Variants in SLC24A2 observed in about 807,000 individuals in gnomAD.
SLC24A2 encodes the protein sodium/potassium/calcium exchanger 2.
Under a neutral mutation model 62.0 loss-of-function variants are expected in SLC24A2, and 36 were observed. That is an observed-to-expected ratio of 0.58 (90% confidence interval 0.44 to 0.77). The LOEUF is 0.77. Ranked by LOEUF, SLC24A2 falls within the 30% of genes least tolerant of loss-of-function variation. The pLI is 0.00. For missense variants in SLC24A2, 846 were observed against 817.9 expected (o/e 1.03, Z -0.42); for synonymous variants, 358 against 294.0 (o/e 1.22, Z -2.23).
intron 8 of SLC24A2, among the ~76,000 whole-genome samples, chr9:19,549,355 A>G (rs1003974060): frequency 6.6e-6 from 1 of 152,166 alleles, no homozygotes; most frequent in Non-Finnish European, 1.5e-5. Flanking sequence ...ACACTGACGT[A>G]TTCTAGGTAA....
At chr9:20,082,993 T>C in the SLC24A2 span, among the ~76,000 whole-genome samples, 27 of 152,228 alleles carry the variant, frequency 1.8e-4, no homozygotes, top group Non-Finnish European at 3.1e-4. Context: ...TTTCTTGGCA[T>C]GAATGCCCTG....
chr9:20,251,141 C>T, the SLC24A2 span, among the ~76,000 whole-genome samples: 1 of 152,154 alleles, frequency 6.6e-6, no homozygotes, highest in African/African-American at 2.4e-5. Flanking sequence ...CAGCAAAAGA[C>T]ACAACCAACC....
At chr9:19,697,906 C>G (rs1820239940) in intron 2 of SLC24A2, among the ~76,000 whole-genome samples, 1 of 152,008 alleles carries the variant, frequency 6.6e-6, no homozygotes, top group South Asian at 2.1e-4. Context: ...ATGGTATGTT[C>G]CCTCTAAAAG....
chr9:20,067,611 C>T, the SLC24A2 span, among the ~76,000 whole-genome samples: 1 of 151,990 alleles, frequency 6.6e-6, no homozygotes, highest in Non-Finnish European at 1.5e-5. Flanking sequence ...TGTTTAGCTC[C>T]CACTTGTAAG....
chr9:19,622,396 G>T, intron 2 of SLC24A2, 97 bp from the exon 3 acceptor site: 1 of 1,244,512 alleles, frequency 8.0e-7, no homozygotes. Context: ...TCAGTATAGG[G>T]GAAGATTTCA....
intron 2 of SLC24A2, among the ~76,000 whole-genome samples, chr9:19,728,317 A>G (rs1305447339): frequency 6.6e-6 from 1 of 151,778 alleles, no homozygotes; most frequent in Non-Finnish European, 1.5e-5. Flanking sequence ...AAAAAAAAAA[A>G]CTTGACTCAC....
the SLC24A2 span, among the ~76,000 whole-genome samples, chr9:19,846,289 A>G: frequency 6.6e-6 from 1 of 152,180 alleles, no homozygotes; most frequent in Admixed American, 6.5e-5. Context: ...TTGGGTGCGC[A>G]TATATTTGGA....
chr9:19,969,874 A>G, the SLC24A2 span, among the ~76,000 whole-genome samples: 1 of 152,208 alleles, frequency 6.6e-6, no homozygotes, highest in Admixed American at 6.5e-5. Context: ...ACTGGTCCCA[A>G]TAGGAGTTAT....
intron 5 of SLC24A2, among the ~76,000 whole-genome samples, chr9:19,593,160 C>G (rs775484319): frequency 2.0e-5 from 3 of 152,216 alleles, no homozygotes; most frequent in African/African-American, 7.2e-5. Context: ...TGCCTGCCCT[C>G]ACTTCCCAAG....
chr9:19,751,674 AG>A (rs1371179687), intron 2 of SLC24A2, among the ~76,000 whole-genome samples: 3 of 152,162 alleles, frequency 2.0e-5, no homozygotes, highest in Non-Finnish European at 2.9e-5. Context: ...CATGGCCCCA[AG>A]TGTCCCACCA....
At chr9:19,986,482 T>G in the SLC24A2 span, among the ~76,000 whole-genome samples, 1 of 152,142 alleles carries the variant, frequency 6.6e-6, no homozygotes, top group Non-Finnish European at 1.5e-5. Context: ...CAAATACATG[T>G]ACACTCATGT....
At chr9:20,019,456 T>G in the SLC24A2 span, among the ~76,000 whole-genome samples, 1 of 152,196 alleles carries the variant, frequency 6.6e-6, no homozygotes. Flanking sequence ...CCATTGCTTG[T>G]TTTTGTCAGG....
chr9:20,055,280 T>C, the SLC24A2 span, among the ~76,000 whole-genome samples: 19 of 152,272 alleles, frequency 1.2e-4, no homozygotes, highest in Admixed American at 1.2e-3. Flanking sequence ...CATTAGGTAA[T>C]TCACAAAATT....
chr9:20,195,872 A>T, the SLC24A2 span, among the ~76,000 whole-genome samples: 1 of 152,138 alleles, frequency 6.6e-6, no homozygotes, highest in Non-Finnish European at 1.5e-5. Flanking sequence ...AATTCATATG[A>T]TAGCTACTGT....
At chr9:19,740,485 A>G (rs1460575814) in intron 2 of SLC24A2, among the ~76,000 whole-genome samples, 1 of 152,230 alleles carries the variant, frequency 6.6e-6, no homozygotes, top group Non-Finnish European at 1.5e-5. Context: ...AAATGCACAT[A>G]TTCTATGAAT....
intron 8 of SLC24A2, among the ~76,000 whole-genome samples, chr9:19,544,188 C>T (rs571762644): frequency 6.7e-6 from 1 of 148,416 alleles, no homozygotes; most frequent in South Asian, 2.1e-4. Flanking sequence ...AGGTAATGGC[C>T]TTCTTTCTCT....
intron 2 of SLC24A2, among the ~76,000 whole-genome samples, chr9:19,686,507 T>C (rs1224707170): frequency 6.6e-6 from 1 of 152,106 alleles, no homozygotes; most frequent in Non-Finnish European, 1.5e-5. Flanking sequence ...GAGTTGTAGT[T>C]TCCATAATCT....
At chr9:19,829,806 TATATACACACACAC>T in the SLC24A2 span, among the ~76,000 whole-genome samples, 1,026 of 111,650 alleles carry the variant, frequency 9.2e-3, 9 homozygotes, top group African/African-American at 0.019. Flanking sequence ...TGTATATATA[TATATACACACACAC>T]ACACACACAC....
At chr9:19,626,244 A>AC (rs767674891) in intron 2 of SLC24A2, among the ~76,000 whole-genome samples, 3 of 152,176 alleles carry the variant, frequency 2.0e-5, no homozygotes, top group Non-Finnish European at 2.9e-5. Flanking sequence ...CCCTAGTCCC[A>AC]CCTCACACAC....
Sources: allele counts gnomAD v4.1 joint callset (sites outside exome capture counted in the v4.1 genomes callset), GRCh38; gene constraint gnomAD v4.1.1; transcripts MANE v1.5; gene names NCBI Gene and HGNC (gene_info 2026-07-23, HGNC 2026-07-21).